NKAIN3: variants seen among roughly 807,000 people sequenced by gnomAD.
NKAIN3 encodes the protein sodium/potassium-transporting ATPase subunit beta-1-interacting protein 3.
In NKAIN3, 25 loss-of-function variants were observed where a neutral mutation model predicts 30.2. That is an observed-to-expected ratio of 0.83 (90% confidence interval 0.60 to 1.16). The LOEUF is 1.16. Ranked by LOEUF, NKAIN3 falls within the 50% of genes most tolerant of loss-of-function variation. The probability of loss-of-function intolerance (pLI) is 0.00; values close to 1 mark genes in which losing one functional copy is unlikely to be tolerated. For synonymous variants in NKAIN3, 91 were observed against 89.6 expected, an observed-to-expected ratio of 1.02 and a Z score of -0.09; for missense variants, 225 against 254.1, an observed-to-expected ratio of 0.89 and a Z score of 0.78.
intron 4 of NKAIN3, among the ~76,000 whole-genome samples, chr8:62,851,978 G>C (rs1476265859): frequency 5.9e-5 from 9 of 152,108 alleles, no homozygotes; most frequent in Admixed American, 1.3e-4. Context: ...CATAAAATGA[G>C]TTAGGGAGGA....
At chr8:62,959,670 T>A (rs993826277) in intron 6 of NKAIN3, among the ~76,000 whole-genome samples, 1 of 152,204 alleles carries the variant, frequency 6.6e-6, no homozygotes, top group Admixed American at 6.5e-5. Context: ...CTATGTCAAA[T>A]TCTGCATGCT....
At chr8:62,655,373 T>A (rs1025235326) in intron 3 of NKAIN3, among the ~76,000 whole-genome samples, 1 of 152,160 alleles carries the variant, frequency 6.6e-6, no homozygotes, top group Non-Finnish European at 1.5e-5. Flanking sequence ...GATTTTAATT[T>A]TAGAATATGA....
rs537842913 is a variant in NKAIN3, at chr8:62,981,874, C to A, written c.*16467C>A. On this transcript the variant is annotated 3_prime_UTR_variant, in exon 7 of 7. Coordinates refer to ENST00000623646, the MANE Select transcript of NKAIN3 (RefSeq NM_001304533.3). ...AAAAAAAAGAAAAGAAAGAAAAACTCTTTAACCCTTTGTTTAAATCCTATT... is the reference window on the plus strand; with the variant it reads ...AAAAAAAAGAAAAGAAAGAAAAACTATTTAACCCTTTGTTTAAATCCTATT... The A allele has an allele frequency of 5.9e-5, 9 of 151,994 alleles. No individual in the cohort carries two copies. In the South Asian group the frequency reaches 1.9e-3, roughly 32 times the overall value. The allele number at this position is 151,994 out of a possible 1,614,324, so 9.4% of individuals were successfully genotyped here. A position where few individuals can be genotyped will look rare whatever the true frequency, so the allele number is the denominator to read the frequency against.
intron 3 of NKAIN3, among the ~76,000 whole-genome samples, chr8:62,715,505 A>G (rs548349906): frequency 3.9e-5 from 6 of 152,308 alleles, no homozygotes; most frequent in South Asian, 4.1e-4. Flanking sequence ...GGAAGACTGC[A>G]TCATTTCCAA....
chr8:62,273,265 G>C (rs1315611355), intron 1 of NKAIN3, among the ~76,000 whole-genome samples: 1 of 152,040 alleles, frequency 6.6e-6, no homozygotes, highest in Non-Finnish European at 1.5e-5. Flanking sequence ...AGAACCTCTT[G>C]AATTCTAATT....
chr8:62,652,914 T>C (rs1436529241), intron 3 of NKAIN3, among the ~76,000 whole-genome samples: 1 of 152,102 alleles, frequency 6.6e-6, no homozygotes, highest in Non-Finnish European at 1.5e-5. Context: ...AAGCCATAGA[T>C]CTGAACTACT....
intron 3 of NKAIN3, among the ~76,000 whole-genome samples, chr8:62,679,854 T>G (rs1446401352): frequency 2.0e-5 from 3 of 152,156 alleles, no homozygotes; most frequent in Admixed American, 6.5e-5. Context: ...ACATGATATT[T>G]GGGGTGGGGA....
At chr8:62,430,662 T>C (rs901601094) in intron 1 of NKAIN3, among the ~76,000 whole-genome samples, 23 of 151,852 alleles carry the variant, frequency 1.5e-4, no homozygotes, top group African/African-American at 5.6e-4. Flanking sequence ...TAGACATTTT[T>C]CTGAAGTGAG....
At chr8:62,691,754 G>T (rs1053852701) in intron 3 of NKAIN3, among the ~76,000 whole-genome samples, 1 of 152,158 alleles carries the variant, frequency 6.6e-6, no homozygotes, top group Admixed American at 6.5e-5. Context: ...ATCAAGGCAG[G>T]TTTCATGGAA....
At chr8:62,418,738 G>A (rs901356090) in intron 1 of NKAIN3, among the ~76,000 whole-genome samples, 32 of 152,224 alleles carry the variant, frequency 2.1e-4, no homozygotes, top group South Asian at 4.1e-4. Flanking sequence ...AAGTACTGTC[G>A]CTTTGAATCC....
chr8:62,575,140 G>A (rs1238700742), intron 1 of NKAIN3, among the ~76,000 whole-genome samples: 1 of 152,006 alleles, frequency 6.6e-6, no homozygotes, highest in African/African-American at 2.4e-5. Flanking sequence ...ATAAGAGAAG[G>A]AAATAAAAGG....
At chr8:62,870,266 A>AGATATCTATATC (rs1563604003) in intron 4 of NKAIN3, among the ~76,000 whole-genome samples, 1 of 132,482 alleles carries the variant, frequency 7.5e-6, no homozygotes, top group African/African-American at 2.9e-5. Context: ...ATATATCTAT[A>AGATATCTATATC]TATAGATATA....
intron 1 of NKAIN3, among the ~76,000 whole-genome samples, chr8:62,371,620 TG>T (rs1816910685): frequency 6.6e-6 from 1 of 152,010 alleles, no homozygotes; most frequent in Non-Finnish European, 1.5e-5. Flanking sequence ...ATTTTAATTC[TG>T]GGTTTCTGTT....
intron 4 of NKAIN3, among the ~76,000 whole-genome samples, chr8:62,795,407 G>T (rs1401381589): frequency 6.6e-6 from 1 of 152,066 alleles, no homozygotes; most frequent in African/African-American, 2.4e-5. Flanking sequence ...AGCCCCTTGG[G>T]TGCCTATGGA....
chr8:62,375,843 T>C (rs1481513565), intron 1 of NKAIN3, among the ~76,000 whole-genome samples: 1 of 152,212 alleles, frequency 6.6e-6, no homozygotes, highest in Non-Finnish European at 1.5e-5. Flanking sequence ...AAAATTTCAG[T>C]CCACAGACTT....
chr8:62,708,922 T>C (rs951967674), intron 3 of NKAIN3, among the ~76,000 whole-genome samples: 6 of 152,180 alleles, frequency 3.9e-5, no homozygotes, highest in Non-Finnish European at 8.8e-5. Flanking sequence ...ATGAGAGTTA[T>C]AATCATAAAG....
intron 1 of NKAIN3, among the ~76,000 whole-genome samples, chr8:62,350,848 C>A (rs972077361): frequency 6.6e-6 from 1 of 151,664 alleles, no homozygotes; most frequent in Non-Finnish European, 1.5e-5. Context: ...TGCCACCATG[C>A]CCGGCTAATT....
At chr8:62,811,260 CA>C (rs1206594423) in intron 4 of NKAIN3, among the ~76,000 whole-genome samples, 1 of 152,028 alleles carries the variant, frequency 6.6e-6, no homozygotes. Flanking sequence ...CTTATTTAAA[CA>C]ATTGCCTGTG....
In NKAIN3 at chr8:62,921,956, G is replaced by A. The variant is rs557172097; in HGVS notation, c.532+3443G>A. 5.3e-5 allele frequency among the ~76,000 whole-genome samples: 8 copies of A among 152,264 alleles called. No individual in the cohort carries two copies. In the South Asian group the frequency reaches 1.2e-3, roughly 24 times the overall value. On this transcript the variant is annotated intron_variant, in intron 5 of 6. Transcript: ENST00000623646. Reference sequence around the variant, plus strand: ...GGCTTTTTCAGAGGGTCTGTTGCTAGCACTACTTCTTCTGATATTAGGCTG... The same window carrying A: ...GGCTTTTTCAGAGGGTCTGTTGCTAACACTACTTCTTCTGATATTAGGCTG...
Sources: allele counts gnomAD v4.1 joint callset (sites outside exome capture counted in the v4.1 genomes callset), GRCh38; gene constraint gnomAD v4.1.1; transcripts MANE v1.5; gene names NCBI Gene and HGNC (gene_info 2026-07-23, HGNC 2026-07-21).